GSN: variants seen among roughly 807,000 people sequenced by gnomAD.
GSN encodes gelsolin.
A neutral mutation model predicts 85.7 loss-of-function variants in GSN; 56 were observed. The ratio of observed to expected loss-of-function variants is 0.65; its 90% CI spans 0.53 to 0.82. The LOEUF (loss-of-function observed/expected upper bound fraction) is 0.82, where lower values mean the gene tolerates loss of function less well. Among genes scored for constraint, GSN ranks in the 40% least tolerant of loss-of-function variants. The pLI is 0.00. For synonymous variants in GSN, 373 were observed against 399.1 expected, an observed-to-expected ratio of 0.93 and a Z score of 0.78; for missense variants, 857 against 979.8, an observed-to-expected ratio of 0.87 and a Z score of 1.67.
chr9:121,272,221 A>G (rs1179771322), intron 1 of GSN, among the ~76,000 whole-genome samples: 1 of 152,144 alleles, frequency 6.6e-6, no homozygotes, highest in East Asian at 1.9e-4. Flanking sequence ...CTCCCCTGCC[A>G]TATGCCTGCT....
Position 121,310,668 on chromosome 9 carries a change from C to G in GSN, c.352-16C>G. ...GCCTTCTCCCCTGGGCTAATGCTGT[C>G]TCTTTGGCCCCACAGAAAGGAGGTG... On this transcript the variant is annotated splice_polypyrimidine_tract_variant and intron_variant, in intron 4 of 17. Coordinates refer to ENST00000432226, the MANE Select transcript of GSN (RefSeq NM_198252.3). The G allele has an allele frequency of 6.2e-7, 1 of 1,613,660 alleles. No individual in the cohort carries two copies. The highest frequency in any genetic ancestry group is 2.2e-5 in the East Asian group (1 of 44,880).
At chr9:121,225,070 C>T (rs771991107) in intron 4 of GSN, among the ~76,000 whole-genome samples, 11 of 152,112 alleles carry the variant, frequency 7.2e-5, no homozygotes, top group African/African-American at 1.4e-4. Context: ...CCTCCCACCT[C>T]GGCCTCCCAA....
chr9:121,227,431 C>T (rs1362834180), intron 4 of GSN, among the ~76,000 whole-genome samples: 1 of 151,656 alleles, frequency 6.6e-6, no homozygotes, highest in African/African-American at 2.4e-5. Flanking sequence ...CACTGGTAAA[C>T]GTGTTTCCCT....
At chr9:121,283,523 C>A (rs1176301223) in intron 2 of GSN, 1 of 160,432 alleles carries the variant, frequency 6.2e-6, no homozygotes, top group Non-Finnish European at 1.5e-5. Flanking sequence ...GTCTCAAAGT[C>A]CTGACCTCAA....
intron 2 of GSN, chr9:121,282,074 G>A (rs886974795): frequency 4.3e-6 from 2 of 470,228 alleles, no homozygotes; most frequent in African/African-American, 4.0e-5. Context: ...AGCTGGCAGG[G>A]TGGGGCCCAC....
rs192557838 is a variant in GSN at position 121,331,535 on chromosome 9, G to A, written c.2026+87G>A. On this transcript the variant is annotated intron_variant, in intron 17 of 17. Transcript: ENST00000432226. The stretch of plus-strand genomic sequence containing the variant: ...GGCTCCTGTACAGGTCTGGGAATGA[G>A]CATCTTTCCAGGGGACTGATGGACA... 422 of 797,428 alleles carry A rather than the reference G, an allele frequency of 5.3e-4. No homozygotes were observed. In the African/African-American group the frequency reaches 6.3e-3, roughly 12 times the overall value. The allele number at this position is 797,428 out of a possible 1,614,324, so 49.4% of individuals were successfully genotyped here.
intron 17 of GSN, 26 bp downstream of exon 17, chr9:121,331,474 G>T: frequency 2.1e-6 from 3 of 1,415,174 alleles, no homozygotes; most frequent in South Asian, 1.2e-5. Flanking sequence ...CCTGGGGGCG[G>T]GGGGAGGGGT....
chr9:121,229,735 A>G (rs983602057), intron 4 of GSN, among the ~76,000 whole-genome samples: 12 of 152,192 alleles, frequency 7.9e-5, no homozygotes, highest in Non-Finnish European at 1.8e-4. Context: ...AGAAATCTTC[A>G]TTGTAAAGTT....
chr9:121,228,512 CA>C (rs1344266851), intron 4 of GSN, among the ~76,000 whole-genome samples: 1 of 142,414 alleles, frequency 7.0e-6, no homozygotes, highest in Non-Finnish European at 1.5e-5. Flanking sequence ...TGGCTCACTG[CA>C]ACCTCTGCCT....
Position 121,313,343 on chromosome 9 carries a change from C to G in GSN, c.664-591C>G, listed in dbSNP as rs1028837991. 8 of 174,518 alleles carry G rather than the reference C, an allele frequency of 4.6e-5. No individual in the cohort carries two copies. In the South Asian group the frequency reaches 1.1e-3, roughly 23 times the overall value. The allele number at this position is 174,518 out of a possible 1,614,324, so 10.8% of individuals were successfully genotyped here. On this transcript the variant is annotated intron_variant, in intron 6 of 17. Coordinates refer to ENST00000432226, the MANE Select transcript of GSN (RefSeq NM_198252.3). ...TCCATGTCACTTGGTTCCTGCTTCT[C>G]TGGGGGCATCCAATTCCAGCTTTTG...
intron 2 of GSN, chr9:121,286,813 G>C (rs2058146313): frequency 7.1e-7 from 1 of 1,403,830 alleles, no homozygotes; most frequent in Non-Finnish European, 9.7e-7. Flanking sequence ...TCGGACTTCA[G>C]AGTCAGACAG....
intron 11 of GSN, among the ~76,000 whole-genome samples, chr9:121,321,869 G>C: frequency 6.6e-6 from 1 of 152,024 alleles, no homozygotes; most frequent in East Asian, 1.9e-4. Flanking sequence ...AGCCTCTCTA[G>C]TAGCTGGGAT....
intron 5 of GSN, among the ~76,000 whole-genome samples, chr9:121,232,719 GA>G (rs1251086098): frequency 1.3e-5 from 2 of 152,166 alleles, no homozygotes; most frequent in Non-Finnish European, 2.9e-5. Context: ...TTGTGTTTGT[GA>G]AATTGATTGG....
chr9:121,220,673 A>G (rs2054153778), intron 4 of GSN, among the ~76,000 whole-genome samples: 1 of 152,186 alleles, frequency 6.6e-6, no homozygotes, highest in African/African-American at 2.4e-5. Context: ...TAGTTATTCT[A>G]TTTTCAATTA....
In GSN at chr9:121,299,869, C is replaced by A; in HGVS notation, c.-9-2094C>A. Reference sequence around the variant, plus strand: ...CCTGCCGCTGTCGCCACCATGGCTCCGCACCGCCCCGCGCCCGCGCTGCTT... The same window carrying A: ...CCTGCCGCTGTCGCCACCATGGCTCAGCACCGCCCCGCGCCCGCGCTGCTT... On this transcript the variant is annotated intron_variant, in intron 2 of 17. Transcript: ENST00000432226. The surrounding 1 kb of genome is among the most constrained non-coding windows in gnomAD (Gnocchi z 4.2). The A allele has an allele frequency of 7.5e-7, 1 of 1,331,398 alleles. No individual in the cohort carries two copies. 82.5% of individuals were successfully genotyped at this position (1,331,398 alleles called of 1,614,324 possible). A position where few individuals can be genotyped will look rare whatever the true frequency, so the allele number is the denominator to read the frequency against.
chr9:121,292,784 G>A (rs1038842964), intron 2 of GSN, among the ~76,000 whole-genome samples: 1 of 152,080 alleles, frequency 6.6e-6, no homozygotes, highest in African/African-American at 2.4e-5. Flanking sequence ...CAGAGACTCC[G>A]CAGGCACTCC....
intron 1 of GSN, among the ~76,000 whole-genome samples, chr9:121,274,926 G>C (rs921923288): frequency 6.6e-6 from 1 of 152,176 alleles, no homozygotes; most frequent in Admixed American, 6.5e-5. Flanking sequence ...CTAGGAGAAG[G>C]TTCAGAAGCC....
Position 121,299,918 on chromosome 9 carries a change from C to A in GSN, c.-9-2045C>A. 1 of 1,262,730 alleles carries A rather than the reference C, an allele frequency of 7.9e-7. No individual in the cohort carries two copies. The highest frequency in any genetic ancestry group is 1.0e-6 in the Non-Finnish European group (1 of 1,001,376). 78.2% of individuals were successfully genotyped at this position (1,262,730 alleles called of 1,614,324 possible). On this transcript the variant is annotated intron_variant, in intron 2 of 17. Coordinates refer to ENST00000432226, the MANE Select transcript of GSN (RefSeq NM_198252.3). This position sits in a 1 kb window ranked among gnomAD's most constrained non-coding sequence, Gnocchi z 4.2. ...TTTGCGCGCTGTCCCTGGCGCTGTGCGCGCTGTCGCTGCCCGTCCGCGCGG... is the reference window on the plus strand; with the variant it reads ...TTTGCGCGCTGTCCCTGGCGCTGTGAGCGCTGTCGCTGCCCGTCCGCGCGG...
At chr9:121,328,785 G>A in intron 14 of GSN, 106 bp from the exon 15 acceptor site, 2 of 1,163,326 alleles carry the variant, frequency 1.7e-6, no homozygotes, top group South Asian at 1.2e-5. Context: ...AGGGAGGAGA[G>A]GGAGAGCAGT....
Sources: allele counts gnomAD v4.1 joint callset (sites outside exome capture counted in the v4.1 genomes callset), GRCh38; gene constraint gnomAD v4.1.1; non-coding constraint Gnocchi (gnomAD v3.1); transcripts MANE v1.5; gene names NCBI Gene and HGNC (gene_info 2026-07-23, HGNC 2026-07-21).